DST: variants seen among roughly 807,000 people sequenced by gnomAD.
The protein encoded by DST is dystonin, also known as bullous pemphigoid antigen.
In DST, 253 loss-of-function variants were observed where a neutral mutation model predicts 875.2. The observed-to-expected ratio is 0.29, with a 90% CI of 0.26 to 0.32. The LOEUF (loss-of-function observed/expected upper bound fraction) is 0.32. DST is among the 10% of genes least tolerant of loss of function. The pLI, the probability that DST is intolerant of heterozygous loss-of-function variation, is 1.00. For synonymous variants in DST, 3,124 were observed against 3,197.1 expected, an observed-to-expected ratio of 0.98 and a Z score of 0.77; for missense variants, 8,287 against 9,111.6, an observed-to-expected ratio of 0.91 and a Z score of 3.68.
intron 9 of DST, among the ~76,000 whole-genome samples, chr6:56,699,434 T>C (rs749878649): frequency 2.6e-5 from 4 of 152,242 alleles, no homozygotes; most frequent in Non-Finnish European, 4.4e-5. Flanking sequence ...ATAACAGACA[T>C]TGTCTTTAAA....
intron 78 of DST, among the ~76,000 whole-genome samples, 171 bp from the exon 79 acceptor site, chr6:56,501,864 A>AG (rs2096137443): frequency 6.6e-6 from 1 of 152,110 alleles, no homozygotes; most frequent in Admixed American, 6.6e-5. Flanking sequence ...GGCAAAAAAA[A>AG]TAAGGAAAAT....
At chr6:56,637,491 A>G (rs916205899) in intron 22 of DST, among the ~76,000 whole-genome samples, 2 of 152,076 alleles carry the variant, frequency 1.3e-5, no homozygotes, top group Admixed American at 1.3e-4. Context: ...ACAGAAATAT[A>G]TGGTTATGTC....
intron 10 of DST, among the ~76,000 whole-genome samples, chr6:56,665,326 C>T (rs1415948469): frequency 1.3e-5 from 2 of 152,002 alleles, no homozygotes; most frequent in Non-Finnish European, 1.5e-5. Flanking sequence ...TAAATTAAAC[C>T]CTCATTAATT....
Position 56,701,927 on chromosome 6 carries a change from C to T in DST, c.915G>A (p.Gln305=). ...EKGRMRFHRL[Q]NVQIALDYLK... ...AATAGTCAAGTGCAATTTGTACATT[C>T]TGTAGTCTGTGAAAACGCATCCGAC... Residue 305 remains glutamine, a synonymous_variant, in exon 8 of 104, where the codon CAG becomes CAA. Transcript: ENST00000680361. The T allele has an allele frequency of 6.2e-7, 1 of 1,612,256 alleles. No homozygotes were observed. Among genetic ancestry groups the T allele is most frequent in the South Asian group, 1.1e-5 (1 of 90,904 alleles).
chr6:56,702,076 A>G, intron 7 of DST, 111 bp from the exon 8 acceptor site: 1 of 600,082 alleles, frequency 1.7e-6, no homozygotes, highest in South Asian at 2.7e-5. Flanking sequence ...TTTACCGTTT[A>G]GGTAAGGCCA....
chr6:56,822,812 T>C (rs1435594690), intron 4 of DST, among the ~76,000 whole-genome samples: 5 of 151,630 alleles, frequency 3.3e-5, no homozygotes, highest in African/African-American at 9.7e-5. Flanking sequence ...TATTTATTTA[T>C]TTTTATTTTA....
chr6:56,802,058 A>G (rs942633180), intron 4 of DST, among the ~76,000 whole-genome samples: 1 of 152,082 alleles, frequency 6.6e-6, no homozygotes, highest in Non-Finnish European at 1.5e-5. Context: ...CCGTCCACAT[A>G]ATAATTATTA....
intron 29 of DST, 104 bp downstream of exon 29, chr6:56,631,779 G>A (rs912194303): frequency 9.9e-7 from 1 of 1,013,766 alleles, no homozygotes; most frequent in Admixed American, 1.7e-5. Flanking sequence ...ACACTAGACT[G>A]GCTAGTGTGA....
chr6:56,916,774 TCTCTCACACACA>T (rs1299830850), intron 2 of DST, among the ~76,000 whole-genome samples: 49 of 88,514 alleles, frequency 5.5e-4, no homozygotes, highest in African/African-American at 2.3e-3. Context: ...TCTCTCTCTC[TCTCTCACACACA>T]CACACACACA....
At chr6:56,695,126 C>CAAAAAAAAAAAAAAAAAA (rs34456344) in intron 9 of DST, among the ~76,000 whole-genome samples, 21 of 70,052 alleles carry the variant, frequency 3.0e-4, no homozygotes, top group African/African-American at 1.1e-3. Flanking sequence ...GACTCCCTCT[C>CAAAAAAAAAAAAAAAAAA]AAAAAAAAAA....
intron 3 of DST, among the ~76,000 whole-genome samples, chr6:56,874,712 C>A (rs1285859715): frequency 1.3e-5 from 2 of 152,158 alleles, no homozygotes; most frequent in Non-Finnish European, 2.9e-5. Context: ...CCGTTCTAAT[C>A]GCTCCACATG....
chr6:56,527,741 T>A lies in DST; in HGVS notation c.17681-7A>T. On this transcript the variant is annotated splice_polypyrimidine_tract_variant and splice_region_variant and intron_variant, in intron 67 of 103. Coordinates refer to ENST00000680361, the MANE Select transcript of DST (RefSeq NM_001374736.1). ...ATTATTAAAACTTCATCACCTAAAA[T>A]TTCAAAGTCACGTTATTTCTTATGA... The A allele has an allele frequency of 6.3e-7, 1 of 1,589,676 alleles. No individual in the cohort carries two copies. Among genetic ancestry groups the A allele is most frequent in the Non-Finnish European group, 8.6e-7 (1 of 1,167,292 alleles).
intron 58 of DST, among the ~76,000 whole-genome samples, 174 bp downstream of exon 58, chr6:56,560,120 A>C (rs2097512755): frequency 6.6e-6 from 1 of 152,166 alleles, no homozygotes; most frequent in South Asian, 2.1e-4. Flanking sequence ...AAGATATGCC[A>C]ATTTTCTGCA....
chr6:56,892,643 C>G (rs561701060), intron 3 of DST, among the ~76,000 whole-genome samples: 1 of 152,236 alleles, frequency 6.6e-6, no homozygotes, highest in Non-Finnish European at 1.5e-5. Context: ...TATTTTAAAG[C>G]CCAACTCAAT....
chr6:56,461,607 G>GT (rs1207831360), intron 102 of DST: 1 of 152,066 alleles, frequency 6.6e-6, no homozygotes, highest in Non-Finnish European at 1.5e-5. Flanking sequence ...TTGTTTTTTG[G>GT]TTTTTTGTTT....
chr6:56,744,816 G>A (rs2099567905), intron 4 of DST, among the ~76,000 whole-genome samples: 1 of 152,180 alleles, frequency 6.6e-6, no homozygotes, highest in Non-Finnish European at 1.5e-5. Context: ...TTGGTGACTG[G>A]AGGTTGTAGC....
chr6:56,546,054 C>T (rs1171433858), intron 61 of DST, among the ~76,000 whole-genome samples: 2 of 151,890 alleles, frequency 1.3e-5, no homozygotes, highest in Non-Finnish European at 2.9e-5. Flanking sequence ...CTATTTATTT[C>T]ATGGGAATAC....
intron 29 of DST, among the ~76,000 whole-genome samples, 169 bp from the exon 30 acceptor site, chr6:56,631,558 T>C (rs917376507): frequency 6.6e-6 from 1 of 152,228 alleles, no homozygotes; most frequent in Non-Finnish European, 1.5e-5. Flanking sequence ...AGTTTTACAA[T>C]CAATAATTCC....
At chr6:56,568,700 C>G in intron 54 of DST, 105 bp from the exon 55 acceptor site, 1 of 1,045,734 alleles carries the variant, frequency 9.6e-7, no homozygotes, top group African/African-American at 1.6e-5. Flanking sequence ...ATTGTAGACC[C>G]TGATTTGTGA....
Sources: allele counts gnomAD v4.1 joint callset (sites outside exome capture counted in the v4.1 genomes callset), GRCh38; gene constraint gnomAD v4.1.1; transcripts MANE v1.5; gene names NCBI Gene and HGNC (gene_info 2026-07-23, HGNC 2026-07-21).